Variants in CTNNA3 observed in about 807,000 individuals in gnomAD.
CTNNA3 encodes the protein catenin alpha-3.
CTNNA3 carries 76 observed loss-of-function variants against 95.7 expected under a neutral mutation model. That is an observed-to-expected ratio of 0.79 (90% confidence interval 0.66 to 0.96). The LOEUF (loss-of-function observed/expected upper bound fraction) is 0.96. Ranked by LOEUF, CTNNA3 falls within the 40% of genes least tolerant of loss-of-function variation. The pLI, the probability that CTNNA3 is intolerant of heterozygous loss-of-function variation, is 0.00. For synonymous variants in CTNNA3, 431 were observed against 374.4 expected, an observed-to-expected ratio of 1.15 and a Z score of -1.74; for missense variants, 1,191 against 1,089.8, an observed-to-expected ratio of 1.09 and a Z score of -1.31.
At chr10:66,032,941 TG>T (rs2079477717) in intron 15 of CTNNA3, among the ~76,000 whole-genome samples, 1 of 152,076 alleles carries the variant, frequency 6.6e-6, no homozygotes, top group Non-Finnish European at 1.5e-5. Flanking sequence ...AAGGTCACCA[TG>T]TTTGGTAGAA....
intron 1 of CTNNA3, among the ~76,000 whole-genome samples, chr10:67,724,639 G>C (rs1053942835): frequency 4.0e-4 from 61 of 152,198 alleles, no homozygotes; most frequent in African/African-American, 1.4e-3. Flanking sequence ...GCAAGGAGCT[G>C]ATAAACAATT....
intron 4 of CTNNA3, among the ~76,000 whole-genome samples, chr10:67,522,640 T>A (rs1357730550): frequency 6.6e-6 from 1 of 151,750 alleles, no homozygotes; most frequent in Non-Finnish European, 1.5e-5. Flanking sequence ...TGATCAGTTC[T>A]GCTGAATCAG....
chr10:67,547,223 T>A (rs1305577283), intron 3 of CTNNA3, among the ~76,000 whole-genome samples: 1 of 152,090 alleles, frequency 6.6e-6, no homozygotes, highest in Non-Finnish European at 1.5e-5. Context: ...CCCCAAAAAA[T>A]ACAAGTATAA....
At chr10:67,243,442 T>C (rs1330380645) in intron 5 of CTNNA3, among the ~76,000 whole-genome samples, 1 of 152,200 alleles carries the variant, frequency 6.6e-6, no homozygotes, top group African/African-American at 2.4e-5. Context: ...CAGAAATATT[T>C]AGTAAGACAG....
intron 10 of CTNNA3, among the ~76,000 whole-genome samples, chr10:66,600,921 A>C (rs918952745): frequency 1.3e-5 from 2 of 151,938 alleles, no homozygotes; most frequent in Admixed American, 6.6e-5. Flanking sequence ...CACAATTATG[A>C]GTAAATTAAA....
intron 5 of CTNNA3, among the ~76,000 whole-genome samples, chr10:67,321,222 A>G (rs2170138): frequency 0.055 from 8,417 of 152,286 alleles, 754 homozygotes; most frequent in African/African-American, 0.19. Context: ...CCATGTTTAT[A>G]GTTGCAAAGT....
chr10:66,360,651 C>CTTTCTTTTCT (rs1564896175), intron 12 of CTNNA3, among the ~76,000 whole-genome samples: 9 of 59,918 alleles, frequency 1.5e-4, no homozygotes, highest in African/African-American at 5.3e-4. Context: ...TTCTTTCTTT[C>CTTTCTTTTCT]TTTCTTTCTT....
chr10:66,699,576 A>G (rs1216116187), intron 9 of CTNNA3, among the ~76,000 whole-genome samples: 1 of 152,094 alleles, frequency 6.6e-6, no homozygotes, highest in Admixed American at 6.6e-5. Flanking sequence ...TTTTTTATAA[A>G]TACATACACA....
chr10:66,749,309 G>A (rs555086057), intron 9 of CTNNA3, among the ~76,000 whole-genome samples: 21 of 150,520 alleles, frequency 1.4e-4, no homozygotes, highest in African/African-American at 4.4e-4. Context: ...TGTATCCACC[G>A]TTGCAGTATC....
chr10:66,937,618 G>A (rs1847780801), intron 7 of CTNNA3, among the ~76,000 whole-genome samples: 1 of 152,150 alleles, frequency 6.6e-6, no homozygotes, highest in Non-Finnish European at 1.5e-5. Flanking sequence ...ACTGAAGAGT[G>A]ATGGTAGTAC....
At chr10:66,393,072 A>G (rs552042021) in intron 11 of CTNNA3, among the ~76,000 whole-genome samples, 14 of 152,286 alleles carry the variant, frequency 9.2e-5, no homozygotes, top group African/African-American at 2.9e-4. Flanking sequence ...GAAAAATGAT[A>G]CATCAAGCCA....
At chr10:66,706,637 T>G (rs1242329882) in intron 9 of CTNNA3, among the ~76,000 whole-genome samples, 3 of 152,042 alleles carry the variant, frequency 2.0e-5, no homozygotes, top group Admixed American at 2.0e-4. Flanking sequence ...AATGTCAGCT[T>G]GCTTTTTAGG....
intron 7 of CTNNA3, among the ~76,000 whole-genome samples, chr10:67,009,063 TTC>T (rs1368808768): frequency 6.6e-6 from 1 of 152,182 alleles, no homozygotes; most frequent in Non-Finnish European, 1.5e-5. Context: ...AACCTCATTT[TTC>T]TCTCTTCCAT....
intron 7 of CTNNA3, among the ~76,000 whole-genome samples, chr10:66,861,185 T>G (rs1346789382): frequency 1.3e-5 from 2 of 152,164 alleles, no homozygotes; most frequent in Non-Finnish European, 1.5e-5. Context: ...TAAAAGAACT[T>G]GCATTAAAAA....
chr10:66,424,518 T>C (rs2093222949), intron 11 of CTNNA3, among the ~76,000 whole-genome samples: 1 of 152,058 alleles, frequency 6.6e-6, no homozygotes, highest in Non-Finnish European at 1.5e-5. Context: ...TCTTGCAATA[T>C]ATTTCTAATT....
intron 9 of CTNNA3, among the ~76,000 whole-genome samples, chr10:66,658,106 G>C (rs1056350216): frequency 1.1e-4 from 16 of 151,984 alleles, no homozygotes; most frequent in Admixed American, 1.0e-3. Context: ...TTATTGTTTT[G>C]GTTGTTATTG....
chr10:67,033,733 ACTT>A (rs1450036974), intron 7 of CTNNA3, among the ~76,000 whole-genome samples: 6 of 152,190 alleles, frequency 3.9e-5, no homozygotes, highest in Admixed American at 2.6e-4. Context: ...CAAGTAGCCC[ACTT>A]CTAGAATCTG....
At chr10:67,029,532 T>G (rs1398955696) in intron 7 of CTNNA3, among the ~76,000 whole-genome samples, 4 of 152,210 alleles carry the variant, frequency 2.6e-5, no homozygotes, top group Non-Finnish European at 5.9e-5. Context: ...AAACATTATT[T>G]AAGCTATAGC....
In CTNNA3 at chr10:66,545,423, A is replaced by G. The variant is rs573836789; in HGVS notation, c.1375-24650T>C. Among the ~76,000 whole-genome samples, 6 of 152,138 alleles carry G rather than the reference A, an allele frequency of 3.9e-5. No homozygotes were observed. The East Asian group carries it at 1.2e-3, about 29-fold the overall frequency. ...CATTTATTTTGTTGTTCCTTTTTTC[A>G]TTATATAAATATAACACAAATCCAT... On this transcript the variant is annotated intron_variant, in intron 10 of 17. Coordinates refer to ENST00000433211, the MANE Select transcript of CTNNA3 (RefSeq NM_013266.4).
Sources: gnomAD v4.1 joint callset for allele counts (sites outside exome capture counted in the v4.1 genomes callset) on GRCh38, gnomAD v4.1.1 for gene constraint, MANE v1.5 for transcripts, NCBI Gene and HGNC (gene_info 2026-07-23, HGNC 2026-07-21) for gene names.